The following POM121C variants were observed in gnomAD, a reference collection of about 807,000 sequenced individuals.
The protein encoded by POM121C is nuclear envelope pore membrane protein POM 121C.
Under a neutral mutation model 66.4 loss-of-function variants are expected in POM121C, and 20 were observed. That is an observed-to-expected ratio of 0.30 (90% CI 0.21 to 0.44). The LOEUF (loss-of-function observed/expected upper bound fraction) is 0.44, where lower values mean the gene tolerates loss of function less well. Among genes scored for constraint, POM121C ranks in the 20% least tolerant of loss-of-function variants. POM121C has a pLI of 1.00. For missense variants in POM121C, 580 were observed against 1,225.7 expected (o/e 0.47, Z 7.87); for synonymous variants, 286 against 528.0 (o/e 0.54, Z 6.28).
At chr7:75,471,415 C>G (rs1406422542) in intron 3 of POM121C, among the ~76,000 whole-genome samples, 1 of 151,866 alleles carries the variant, frequency 6.6e-6, no homozygotes, top group Non-Finnish European at 1.5e-5. Flanking sequence ...CCAGGGTGGT[C>G]TCGAACTCCT....
intron 1 of POM121C, among the ~76,000 whole-genome samples, chr7:75,478,198 C>A (rs1167259665): frequency 6.6e-6 from 1 of 152,272 alleles, no homozygotes; most frequent in African/African-American, 2.4e-5. Flanking sequence ...AACTCCTGAC[C>A]TCGTGATCCG....
At chr7:75,439,478 C>T (rs1554473571) in intron 5 of POM121C, among the ~76,000 whole-genome samples, 2 of 152,258 alleles carry the variant, frequency 1.3e-5, no homozygotes, top group African/African-American at 2.4e-5. Context: ...CTCTGCCTCC[C>T]GGGTTCAACC....
At chr7:75,476,166 C>T (rs1480691954) in intron 1 of POM121C, among the ~76,000 whole-genome samples, 1 of 152,086 alleles carries the variant, frequency 6.6e-6, no homozygotes, top group Non-Finnish European at 1.5e-5. Flanking sequence ...TGGCACATGC[C>T]TGTAGTTCCA....
chr7:75,485,442 T>C (rs1198278843), intron 1 of POM121C, among the ~76,000 whole-genome samples: 5 of 152,094 alleles, frequency 3.3e-5, no homozygotes, highest in African/African-American at 9.7e-5. Context: ...CCCTAGCAAC[T>C]GAGGCAGCAG....
chr7:75,464,844 G>A (rs1791561421), intron 3 of POM121C, among the ~76,000 whole-genome samples: 1 of 7,248 alleles, frequency 1.4e-4, no homozygotes, highest in Non-Finnish European at 2.4e-4. Context: ...TGACAAGAAC[G>A]AAACTCCATC....
chr7:75,478,385 G>A (rs1277847658), intron 1 of POM121C, among the ~76,000 whole-genome samples: 2 of 152,084 alleles, frequency 1.3e-5, no homozygotes, highest in African/African-American at 4.8e-5. Context: ...CATGGAGCAG[G>A]GAAGAAGAAC....
intron 1 of POM121C, among the ~76,000 whole-genome samples, chr7:75,477,032 C>T (rs1389893352): frequency 2.6e-5 from 4 of 151,678 alleles, no homozygotes; most frequent in Non-Finnish European, 5.9e-5. Context: ...ATATTACACC[C>T]TAATATGCCA....
intron 3 of POM121C, among the ~76,000 whole-genome samples, chr7:75,450,943 G>A (rs1433984917): frequency 6.6e-6 from 1 of 152,100 alleles, no homozygotes; most frequent in Non-Finnish European, 1.5e-5. Context: ...ATTGGACTTA[G>A]CAGACAAAGA....
At chr7:75,458,428 C>T (rs1441693749) in intron 3 of POM121C, among the ~76,000 whole-genome samples, 1 of 152,102 alleles carries the variant, frequency 6.6e-6, no homozygotes, top group Admixed American at 6.6e-5. Flanking sequence ...ACTCAAGAGG[C>T]TGAGGAGGAG....
At chr7:75,452,957 G>A (rs149130632) in intron 3 of POM121C, among the ~76,000 whole-genome samples, 3 of 152,076 alleles carry the variant, frequency 2.0e-5, no homozygotes, top group African/African-American at 7.2e-5. Flanking sequence ...GGAGAGGAAC[G>A]GATCAAGCTA....
chr7:75,430,974 G>A (rs1790149786), intron 7 of POM121C, among the ~76,000 whole-genome samples: 1 of 151,074 alleles, frequency 6.6e-6, no homozygotes, highest in Non-Finnish European at 1.5e-5. Flanking sequence ...TACTCGGGAG[G>A]CTGAGGCAGG....
At chr7:75,465,723 A>C (rs1385297302) in intron 3 of POM121C, among the ~76,000 whole-genome samples, 2 of 149,252 alleles carry the variant, frequency 1.3e-5, no homozygotes, top group Non-Finnish European at 3.0e-5. Context: ...ACTGCACTCC[A>C]GCCTGGGCCA....
chr7:75,419,235 G>A, intron 14 of POM121C, 85 bp downstream of exon 14: 2 of 1,498,282 alleles, frequency 1.3e-6, no homozygotes, highest in Non-Finnish European at 1.8e-6. Context: ...GATCTTCACG[G>A]GGCCTCAGAG....
chr7:75,416,967 TC>T lies in POM121C; in HGVS notation c.*1828del, dbSNP rs1458829831. On this transcript the variant is annotated 3_prime_UTR_variant, in exon 15 of 15. Transcript: ENST00000615331. Reference sequence around the variant, plus strand: ...ATCCACACTCACTCTCACTCAGGGTTCCCGGACCGGCTGTCCTGCCTGCGGA... The same window carrying T: ...ATCCACACTCACTCTCACTCAGGGTTCCGGACCGGCTGTCCTGCCTGCGGA... 20 of 1,365,158 alleles carry T rather than the reference TC, an allele frequency of 1.5e-5. No individual in the cohort carries two copies. The African/African-American group carries it at 2.9e-4, about 20-fold the overall frequency. The allele number at this position is 1,365,158 out of a possible 1,614,324, so 84.6% of individuals were successfully genotyped here.
rs1789567738 is a variant in POM121C, at chr7:75,418,595, A to G, written c.*201T>C. ...GAGGTCCCGGGCTTTGGCCCTCCGC[A>G]TCCTGCTTCCCCTTCCCTGAGGCTT... On this transcript the variant is annotated 3_prime_UTR_variant, in exon 15 of 15. Transcript: ENST00000615331. 1 of 1,317,498 alleles carries G rather than the reference A, an allele frequency of 7.6e-7. No individual in the cohort carries two copies. The highest frequency in any genetic ancestry group is 2.9e-5 in the East Asian group (1 of 34,928). 81.6% of individuals were successfully genotyped at this position (1,317,498 alleles called of 1,614,324 possible). A position where few individuals can be genotyped will look rare whatever the true frequency, so the allele number is the denominator to read the frequency against.
chr7:75,422,354 G>C lies in POM121C; in HGVS notation c.1898C>G (p.Thr633Ser). 6.2e-7 allele frequency: 1 copy of C among 1,611,078 alleles called. No homozygotes were observed. Among genetic ancestry groups the C allele is most frequent in the Non-Finnish European group, 8.5e-7 (1 of 1,179,014 alleles). Residue 633 changes from threonine (T) to serine (S), a missense_variant, in exon 13 of 15, where the codon ACC (threonine) becomes AGC (serine). Physicochemically the swap from Thr to Ser is moderately conservative, Grantham distance 58 (BLOSUM62 1). Coordinates refer to ENST00000615331, the MANE Select transcript of POM121C (RefSeq NM_001099415.3). ...GGCAGTGGGCAGGGACTGGCTGAAG[G>C]TGGTGACTGTGGTGGTTGTGGGCAA... ...PALPTTTTVT[T>S]FSQSLPTAVP...
chr7:75,476,545 G>T (rs1196895797), intron 1 of POM121C, among the ~76,000 whole-genome samples: 15 of 152,072 alleles, frequency 9.9e-5, no homozygotes, highest in Non-Finnish European at 1.8e-4. Context: ...GAGCTGCTAG[G>T]CTGGTGGGCT....
rs1173787971 is a variant in POM121C, at chr7:75,424,184, G to C, written c.913C>G (p.Gln305Glu). Reference sequence around the variant, plus strand: ...GGCAGGGTAAAGGTAAATGAAGGCTGAGTGGTAGGTGGGGTCTCAGTGACA... The same window carrying C: ...GGCAGGGTAAAGGTAAATGAAGGCTCAGTGGTAGGTGGGGTCTCAGTGACA... The part of the protein sequence containing the change: ...NSVTETPPTT[Q>E]PSFTFTLPAA... Residue 305 changes from glutamine (Q) to glutamate (E), a missense_variant, in exon 12 of 15, where the codon CAG becomes GAG. Gln to Glu is a conservative substitution (Grantham distance 29, BLOSUM62 2). Coordinates refer to ENST00000615331, the MANE Select transcript of POM121C (RefSeq NM_001099415.3). The C allele has an allele frequency of 4.3e-6, 7 of 1,611,932 alleles. No individual in the cohort carries two copies. Among genetic ancestry groups the C allele is most frequent in the Middle Eastern group, 2.2e-4 (1 of 4,456 alleles).
At chr7:75,419,234 G>A (rs1359089327) in intron 14 of POM121C, 86 bp downstream of exon 14, 35 of 1,496,974 alleles carry the variant, frequency 2.3e-5, no homozygotes, top group Non-Finnish European at 2.8e-5. Context: ...TGATCTTCAC[G>A]GGGCCTCAGA....
Sources: gnomAD v4.1 joint callset for allele counts (sites outside exome capture counted in the v4.1 genomes callset) on GRCh38, gnomAD v4.1.1 for gene constraint, MANE v1.5 for transcripts, NCBI Gene and HGNC (gene_info 2026-07-23, HGNC 2026-07-21) for gene names.